HPCA: variants seen among roughly 807,000 people sequenced by gnomAD.
HPCA encodes neuron-specific calcium-binding protein hippocalcin.
Under a neutral mutation model 18.2 loss-of-function variants are expected in HPCA, and 4 were observed. The ratio of observed to expected loss-of-function variants is 0.22; its 90% CI spans 0.11 to 0.50. HPCA has a LOEUF of 0.50. HPCA is among the 20% of genes least tolerant of loss of function. HPCA has a pLI of 0.97. For missense variants in HPCA, 161 were observed against 265.8 expected, an observed-to-expected ratio of 0.61 and a Z score of 2.74; for synonymous variants, 93 against 103.5, an observed-to-expected ratio of 0.90 and a Z score of 0.61.
chr1:32,894,216 G>A lies in HPCA; in HGVS notation c.*354G>A, dbSNP rs916748080. The stretch of plus-strand genomic sequence containing the variant: ...CGGGGTGGGGGGAGTCATGCCCAGG[G>A]GAGGAGACTTTTTATCTGGAGGGGA... On this transcript the variant is annotated 3_prime_UTR_variant, in exon 4 of 4. Transcript: ENST00000373467. 3.6e-5 allele frequency: 10 copies of A among 277,726 alleles called. No individual in the cohort carries two copies. In the Admixed American group the frequency reaches 3.8e-4, roughly 10 times the overall value. 17.2% of individuals were successfully genotyped at this position (277,726 alleles called of 1,614,324 possible).
chr1:32,889,054 C>T lies in HPCA; in HGVS notation c.156C>T (p.Tyr52=), dbSNP rs758411778. ...ILNVDEFKKI[Y]ANFFPYGDAS... ...ATGTGGATGAGTTCAAGAAGATCTA[C>T]GCCAACTTCTTTCCCTATGGTGACG... is the stretch of plus-strand genomic sequence containing the variant. Residue 52 remains tyrosine (Y), a synonymous_variant, in exon 2 of 4, where the codon TAC becomes TAT. Coordinates refer to ENST00000373467, the MANE Select transcript of HPCA (RefSeq NM_002143.3). The surrounding 1 kb of genome is among the most constrained non-coding windows in gnomAD (Gnocchi z 4.6). 61 of 1,614,116 alleles carry T rather than the reference C, an allele frequency of 3.8e-5. No homozygotes were observed. In the Admixed American group the frequency reaches 5.2e-4, roughly 14 times the overall value.
In HPCA at chr1:32,889,769, G is replaced by A. The variant is rs1474470731; in HGVS notation, c.378+493G>A. Among the ~76,000 whole-genome samples the A allele has an allele frequency of 6.6e-6, 1 of 152,106 alleles. No homozygotes were observed. The highest frequency in any genetic ancestry group is 2.4e-5 in the African/African-American group (1 of 41,390). On this transcript the variant is annotated intron_variant, in intron 2 of 3. Coordinates refer to ENST00000373467, the MANE Select transcript of HPCA (RefSeq NM_002143.3). The surrounding 1 kb of genome is among the most constrained non-coding windows in gnomAD (Gnocchi z 4.6). ...TATAGCATTTTTGGCCCTGACCTGG[G>A]GTCATGCATTGCATCTAGTTCTCAT...
At position 32,894,561 on chromosome 1, in the gene HPCA, C is replaced by G; in HGVS notation, c.*699C>G. ...GCTGAGCCCCTGTCCTCCCCTCTGT[C>G]CCCCCAACCGCCCCCCCTGCATGCA... On this transcript the variant is annotated 3_prime_UTR_variant, in exon 4 of 4. Transcript: ENST00000373467. The G allele has an allele frequency of 4.0e-5, 16 of 402,656 alleles. No individual in the cohort carries two copies. Among genetic ancestry groups the G allele is most frequent in the East Asian group, 8.2e-5 (2 of 24,396 alleles). The allele number at this position is 402,656 out of a possible 1,614,324, so 24.9% of individuals were successfully genotyped here. A position where few individuals can be genotyped will look rare whatever the true frequency, so the allele number is the denominator to read the frequency against.
intron 2 of HPCA, among the ~76,000 whole-genome samples, chr1:32,891,073 T>C (rs1641445587): frequency 6.6e-6 from 1 of 152,218 alleles, no homozygotes; most frequent in South Asian, 2.1e-4. Context: ...TGTGTACTGG[T>C]AAACCCCAGT....
Position 32,893,458 on chromosome 1 carries a change from T to G in HPCA, c.379-66T>G. 1 of 1,183,640 alleles carries G rather than the reference T, an allele frequency of 8.4e-7. No individual in the cohort carries two copies. Among genetic ancestry groups the G allele is most frequent in the Non-Finnish European group, 1.2e-6 (1 of 801,978 alleles). The allele number at this position is 1,183,640 out of a possible 1,614,324, so 73.3% of individuals were successfully genotyped here. ...AAACGTCAGAGAGCCCGGGGGCGCC[T>G]CTGAATCTTGCGGGTGGGGGCTCGG... On this transcript the variant is annotated intron_variant, in intron 2 of 3. Coordinates refer to ENST00000373467, the MANE Select transcript of HPCA (RefSeq NM_002143.3). The surrounding 1 kb of genome is among the most constrained non-coding windows in gnomAD (Gnocchi z 7.5).
At chr1:32,887,240 C>T (rs1473268324) in intron 1 of HPCA, among the ~76,000 whole-genome samples, 2 of 152,154 alleles carry the variant, frequency 1.3e-5, no homozygotes, top group African/African-American at 4.8e-5. Flanking sequence ...CACGCTGTGA[C>T]GGGTGCATAC....
Position 32,886,796 on chromosome 1 carries a change from G to A in HPCA, c.-22+281G>A, listed in dbSNP as rs1641376845. 6.6e-6 allele frequency among the ~76,000 whole-genome samples: 1 copy of A among 152,106 alleles called. No individual in the cohort carries two copies. Among genetic ancestry groups the A allele is most frequent in the Non-Finnish European group, 1.5e-5 (1 of 68,008 alleles). On this transcript the variant is annotated intron_variant, in intron 1 of 3. Coordinates refer to ENST00000373467, the MANE Select transcript of HPCA (RefSeq NM_002143.3). This position sits in a 1 kb window ranked among gnomAD's most constrained non-coding sequence, Gnocchi z 7.0. ...GTCCTAGTGCTGAGCGGATGGAGGC[G>A]GGGGCTGGGGGACAGAGCTGAGGGA...
chr1:32,890,701 T>C (rs532512979), intron 2 of HPCA, among the ~76,000 whole-genome samples: 2 of 152,342 alleles, frequency 1.3e-5, no homozygotes, highest in South Asian at 4.1e-4. Context: ...TTGCCCCCTT[T>C]CCTTCTGCAT....
chr1:32,892,020 G>T (rs1448402753), intron 2 of HPCA, among the ~76,000 whole-genome samples: 1 of 152,194 alleles, frequency 6.6e-6, no homozygotes, highest in East Asian at 1.9e-4. Context: ...GTGAGGTTTA[G>T]AAATAGTGCA....
upstream of HPCA, chr1:32,886,263 G>T (rs1476759578): frequency 1.3e-5 from 2 of 152,144 alleles, no homozygotes; most frequent in African/African-American, 4.8e-5. The surrounding 1 kb of genome is among the most constrained non-coding windows in gnomAD (Gnocchi z 7.0). Context: ...CCTCCTCCCC[G>T]GGCAGGGTGC....
Position 32,888,862 on chromosome 1 carries a change from C to T in HPCA, c.-21-16C>T, listed in dbSNP as rs1557539299. The stretch of plus-strand genomic sequence containing the variant: ...CTGATCACTCCTCTCTGCCCTTGAC[C>T]CCCTTGGGGACCCAGGTGGGACTTG... On this transcript the variant is annotated splice_polypyrimidine_tract_variant and intron_variant, in intron 1 of 3. Coordinates refer to ENST00000373467, the MANE Select transcript of HPCA (RefSeq NM_002143.3). The T allele has an allele frequency of 6.3e-7, 1 of 1,580,348 alleles. No homozygotes were observed. Among genetic ancestry groups the T allele is most frequent in the South Asian group, 1.2e-5 (1 of 84,154 alleles).
intron 2 of HPCA, among the ~76,000 whole-genome samples, chr1:32,892,746 T>C (rs1426736767): frequency 6.6e-6 from 1 of 152,114 alleles, no homozygotes. Flanking sequence ...GGAGGAAGTG[T>C]CGGTCGGGTA....
At chr1:32,886,004 G>C (rs1289241392), upstream of HPCA, 1 of 152,222 alleles carries the variant, frequency 6.6e-6, no homozygotes, top group African/African-American at 2.4e-5. This position sits in a 1 kb window ranked among gnomAD's most constrained non-coding sequence, Gnocchi z 7.0. Flanking sequence ...TCAGTAGCTG[G>C]AGGAATGGGC....
chr1:32,893,869 C>A lies in HPCA; in HGVS notation c.*7C>A. 6.5e-7 allele frequency: 1 copy of A among 1,546,182 alleles called. No homozygotes were observed. Among genetic ancestry groups the A allele is most frequent in the Non-Finnish European group, 8.8e-7 (1 of 1,140,048 alleles). ...CAGCGCCTCCCAGTTCTGAGAGGAG[C>A]CAGGTTCCCCTTCCTCCCTCCCTTC... On this transcript the variant is annotated 3_prime_UTR_variant, in exon 4 of 4. Transcript: ENST00000373467. The surrounding 1 kb of genome is among the most constrained non-coding windows in gnomAD (Gnocchi z 7.5).
At chr1:32,891,443 G>C (rs935121926) in intron 2 of HPCA, among the ~76,000 whole-genome samples, 1 of 152,232 alleles carries the variant, frequency 6.6e-6, no homozygotes, top group African/African-American at 2.4e-5. Context: ...CCACTCTGGT[G>C]GGGGAGACAG....
chr1:32,887,880 A>C (rs896374662), intron 1 of HPCA, among the ~76,000 whole-genome samples: 2 of 151,938 alleles, frequency 1.3e-5, no homozygotes, highest in Non-Finnish European at 2.9e-5. Flanking sequence ...GTTGTGGAGC[A>C]GAGGGAATGT....
At position 32,893,483 on chromosome 1, in the gene HPCA, G is replaced by C. The variant is rs769444903; in HGVS notation, c.379-41G>C. 1.1e-5 allele frequency: 16 copies of C among 1,428,938 alleles called. No individual in the cohort carries two copies. Among genetic ancestry groups the C allele is most frequent in the Non-Finnish European group, 1.6e-5 (16 of 1,016,596 alleles). 88.5% of individuals were successfully genotyped at this position (1,428,938 alleles called of 1,614,324 possible). A position where few individuals can be genotyped will look rare whatever the true frequency, so the allele number is the denominator to read the frequency against. On this transcript the variant is annotated intron_variant, in intron 2 of 3. Transcript: ENST00000373467. This position sits in a 1 kb window ranked among gnomAD's most constrained non-coding sequence, Gnocchi z 7.5. The stretch of plus-strand genomic sequence containing the variant: ...TCTGAATCTTGCGGGTGGGGGCTCG[G>C]GCAGGCTCCTCTCACTCCCCGCCTC...
chr1:32,892,852 G>C (rs899388753), intron 2 of HPCA, among the ~76,000 whole-genome samples: 13 of 152,192 alleles, frequency 8.5e-5, no homozygotes, highest in Non-Finnish European at 1.3e-4. Flanking sequence ...TACATTTAGC[G>C]CAAGAACTCT....
intron 2 of HPCA, among the ~76,000 whole-genome samples, chr1:32,890,903 G>A (rs946499221): frequency 6.6e-6 from 1 of 152,226 alleles, no homozygotes; most frequent in African/African-American, 2.4e-5. Context: ...TGTGAGCCAG[G>A]CATTTGACTC....
Sources: gnomAD v4.1 joint callset for allele counts (sites outside exome capture counted in the v4.1 genomes callset) on GRCh38, gnomAD v4.1.1 for gene constraint, Gnocchi (gnomAD v3.1) non-coding constraint, MANE v1.5 for transcripts, NCBI Gene and HGNC (gene_info 2026-07-23, HGNC 2026-07-21) for gene names.